Variants in CHD8 observed in about 807,000 individuals in gnomAD.
CHD8 encodes the protein ATP-dependent chromatin remodeler CHD8.
A neutral mutation model predicts 279.2 loss-of-function variants in CHD8; 31 were observed. The observed-to-expected ratio is 0.11, with a 90% confidence interval of 0.08 to 0.15. The LOEUF (loss-of-function observed/expected upper bound fraction) is 0.15, where lower values mean the gene tolerates loss of function less well. Ranked by LOEUF, CHD8 falls within the 10% of genes least tolerant of loss-of-function variation. The pLI, the probability that CHD8 is intolerant of heterozygous loss-of-function variation, is 1.00. For synonymous variants in CHD8, 1,081 were observed against 1,139.6 expected, an observed-to-expected ratio of 0.95 and a Z score of 1.04; for missense variants, 2,146 against 3,230.5, an observed-to-expected ratio of 0.66 and a Z score of 8.14.
In CHD8 at chr14:21,386,111, C is replaced by T. The variant is rs377600590; in HGVS notation, c.7248G>A (p.Lys2416=). 11 of 1,555,192 alleles carry T rather than the reference C, an allele frequency of 7.1e-6. No homozygotes were observed. The South Asian group carries it at 7.1e-5, about 10-fold the overall frequency. Residue 2416 remains lysine (K), a synonymous_variant, in exon 38 of 38, where the codon AAG becomes AAA. Transcript: ENST00000646647. ...CTGGTCGCATCCTACGGGCCCGCTTCTTGCTGCTCTCTGGTGCAATAGGCC... is the reference window on the plus strand; with the variant it reads ...CTGGTCGCATCCTACGGGCCCGCTTTTTGCTGCTCTCTGGTGCAATAGGCC... ...LPGPIAPESS[K]KRARRMRPDL... is the part of the protein sequence containing the mutation.
chr14:21,420,654 T>G (rs1013431246), intron 5 of CHD8, among the ~76,000 whole-genome samples: 20 of 152,188 alleles, frequency 1.3e-4, no homozygotes, highest in Admixed American at 2.0e-4. Flanking sequence ...TATGGAATAT[T>G]AATATTTAGT....
Position 21,400,933 on chromosome 14 carries a change from G to A in CHD8, c.4312C>T (p.His1438Tyr). The change falls in exon 22 of 38, where the codon CAT becomes TAT. Residue 1438 changes from histidine to tyrosine, a missense_variant. Physicochemically the swap from His to Tyr is moderately conservative, Grantham distance 83. Around this residue, in one of 26 missense-constraint regions of CHD8, gnomAD observed 74 missense variants for 91.5 expected, o/e 0.81. Coordinates refer to ENST00000646647, the MANE Select transcript of CHD8 (RefSeq NM_001170629.2). This position sits in a 1 kb window ranked among gnomAD's most constrained non-coding sequence, Gnocchi z 4.2. Reference sequence around the variant, plus strand: ...CAGTCAGTGCGCCCATAGGCATGATGACGGTCATGTCTGCGGGAGCGTGGC... The same window carrying A: ...CAGTCAGTGCGCCCATAGGCATGATAACGGTCATGTCTGCGGGAGCGTGGC... ...ERPRSRRHDR[H>Y]HAYGRTDCFR... The A allele has an allele frequency of 1.2e-6, 2 of 1,613,854 alleles. No homozygotes were observed. The highest frequency in any genetic ancestry group is 1.7e-6 in the Non-Finnish European group (2 of 1,179,790).
At chr14:21,414,259 C>G in intron 9 of CHD8, 42 bp downstream of exon 9, 1 of 999,212 alleles carries the variant, frequency 1.0e-6, no homozygotes, top group Non-Finnish European at 1.6e-6. Context: ...GTAATTTGTG[C>G]TTCTGTGAAA....
rs755210469 is a variant in CHD8 at position 21,415,815 on chromosome 14, A to G, written c.1809T>C (p.Asp603=). 6.9e-5 allele frequency: 112 copies of G among 1,613,808 alleles called. No homozygotes were observed. The Admixed American group carries it at 1.2e-3, about 18-fold the overall frequency. Residue 603 remains aspartate, a synonymous_variant, in exon 6 of 38, where the codon GAT becomes GAC. Transcript: ENST00000646647. ...GCTCAGGTTTTATTGGACCAGTTACATCCACCTCTTCTTCTTCTTCATCAT... is the reference window on the plus strand; with the variant it reads ...GCTCAGGTTTTATTGGACCAGTTACGTCCACCTCTTCTTCTTCTTCATCAT... ...ITDDEEEEEV[D]VTGPIKPEPI...
intron 27 of CHD8, 136 bp from the exon 28 acceptor site, chr14:21,396,028 A>C (rs1418660153): frequency 3.0e-6 from 2 of 667,294 alleles, no homozygotes; most frequent in East Asian, 2.7e-5. Context: ...GACAGGTCTC[A>C]CTCTGTCGCC....
intron 1 of CHD8, among the ~76,000 whole-genome samples, chr14:21,449,260 G>A (rs1324795408): frequency 3.9e-5 from 6 of 152,080 alleles, no homozygotes; most frequent in African/African-American, 1.4e-4. Context: ...TCCTACTCTT[G>A]GTTGTGTTAC....
chr14:21,401,356 G>T, intron 21 of CHD8, 47 bp downstream of exon 21: 1 of 1,133,356 alleles, frequency 8.8e-7, no homozygotes, highest in Non-Finnish European at 1.3e-6. Context: ...ACTCCCGAAA[G>T]TAGTGTGGTC....
intron 13 of CHD8, among the ~76,000 whole-genome samples, chr14:21,407,276 T>C (rs1489617786): frequency 1.3e-5 from 2 of 152,208 alleles, no homozygotes; most frequent in East Asian, 3.8e-4. Context: ...AGGCTAGACA[T>C]TTTTTACTCT....
chr14:21,386,699 A>T (rs538523601), intron 37 of CHD8, among the ~76,000 whole-genome samples: 8 of 152,194 alleles, frequency 5.3e-5, no homozygotes, highest in Admixed American at 2.0e-4. Flanking sequence ...TAGCTGGGCA[A>T]GGTGGCGGGC....
At chr14:21,450,057 C>T (rs1003813876) in intron 1 of CHD8, among the ~76,000 whole-genome samples, 1 of 152,070 alleles carries the variant, frequency 6.6e-6, no homozygotes, top group African/African-American at 2.4e-5. Flanking sequence ...ATGAAAAATA[C>T]TGAGTAAAAG....
At chr14:21,414,694 A>G (rs1406221494) in intron 8 of CHD8, 7 of 598,294 alleles carry the variant, frequency 1.2e-5, no homozygotes, top group Admixed American at 9.5e-5. Flanking sequence ...GTGCTAAACT[A>G]AGGTAAAGAG....
chr14:21,390,544 C>T (rs1887479402), intron 37 of CHD8, among the ~76,000 whole-genome samples: 2 of 152,094 alleles, frequency 1.3e-5, no homozygotes, highest in Admixed American at 1.3e-4. Flanking sequence ...CTTTGGGAGG[C>T]CGAGGCGGGT....
At position 21,401,835 on chromosome 14, in the gene CHD8, C is replaced by CT; in HGVS notation, c.4062+121dup. 1.9e-5 allele frequency: 18 copies of CT among 927,458 alleles called. No homozygotes were observed. In the South Asian group the frequency reaches 2.9e-4, roughly 15 times the overall value. The allele number at this position is 927,458 out of a possible 1,614,324, so 57.5% of individuals were successfully genotyped here. ...TCCTGACCTCAAGTGATCTGCCCGC[C>CT]TCAGCCTCCCAAAGTGCTGGGAATA... is the stretch of plus-strand genomic sequence containing the variant. On this transcript the variant is annotated intron_variant, in intron 20 of 37. Transcript: ENST00000646647.
chr14:21,403,385 A>G lies in CHD8; in HGVS notation c.3518+68T>C. On this transcript the variant is annotated intron_variant, in intron 17 of 37. Coordinates refer to ENST00000646647, the MANE Select transcript of CHD8 (RefSeq NM_001170629.2). The surrounding 1 kb of genome is among the most constrained non-coding windows in gnomAD (Gnocchi z 4.3). ...CAATTGGTGAACTCTAATTAAATCC[A>G]GGCCCTCCTACTTTTTGCTGCTTTA... 1 of 1,348,062 alleles carries G rather than the reference A, an allele frequency of 7.4e-7. No individual in the cohort carries two copies. 83.5% of individuals were successfully genotyped at this position (1,348,062 alleles called of 1,614,324 possible). A position where few individuals can be genotyped will look rare whatever the true frequency, so the allele number is the denominator to read the frequency against.
rs374872628 is a variant in CHD8 at position 21,386,159 on chromosome 14, C to T, written c.7200G>A (p.Thr2400=). The change falls in exon 38 of 38, where the codon ACG becomes ACA. Residue 2400 remains threonine, a synonymous_variant. Coordinates refer to ENST00000646647, the MANE Select transcript of CHD8 (RefSeq NM_001170629.2). Reference sequence around the variant, plus strand: ...GCCCTGGCAAAACCCGGTTGAACACCGTTTCAGTGTGATGACCCTAGGAGG... The same window carrying T: ...GCCCTGGCAAAACCCGGTTGAACACTGTTTCAGTGTGATGACCCTAGGAGG... ...RNGKKGHHTE[T]VFNRVLPGPI... is the part of the protein sequence containing the mutation. 419 of 1,551,566 alleles carry T rather than the reference C, an allele frequency of 2.7e-4. No individual in the cohort carries two copies. Among genetic ancestry groups the T allele is most frequent in the Non-Finnish European group, 3.6e-4 (408 of 1,147,098 alleles).
intron 34 of CHD8, chr14:21,392,233 CATGGCAA>C (rs1887578706): frequency 2.7e-6 from 2 of 754,178 alleles, no homozygotes; most frequent in Admixed American, 3.4e-5. Flanking sequence ...TCCGTATTAG[CATGGCAA>C]CTCATCACAG....
At position 21,409,878 on chromosome 14, in the gene CHD8, C is replaced by G. The variant is rs771175367; in HGVS notation, c.2337G>C (p.Gln779His). 6.2e-7 allele frequency: 1 copy of G among 1,613,666 alleles called. No homozygotes were observed. Among genetic ancestry groups the G allele is most frequent in the Admixed American group, 1.7e-5 (1 of 59,984 alleles). The change falls in exon 11 of 38, where the codon CAG becomes CAC. Residue 779 changes from glutamine (Q) to histidine (H), a missense_variant. Gln to His is a conservative substitution (Grantham distance 24, BLOSUM62 0). This residue lies in a region of CHD8 where 211 missense variants were observed against 464.7 expected (regional missense o/e 0.45). Transcript: ENST00000646647. Reference protein sequence around the residue: ...EGKIREFKRIQSRHPELKRVN... With the variant: ...EGKIREFKRIHSRHPELKRVN... ...CCCTTTTGAGTTCTGGGTGCCTTGA[C>G]TGAATCCGTTTAAATTCTCGAATCT...
intron 27 of CHD8, chr14:21,397,359 C>T (rs377056785): frequency 1.9e-6 from 1 of 518,776 alleles, no homozygotes; most frequent in Non-Finnish European, 3.8e-6. Flanking sequence ...CAACACTGCC[C>T]TACCTGGTGG....
chr14:21,405,523 T>G lies in CHD8; in HGVS notation c.3052-59A>C. 6.4e-7 allele frequency: 1 copy of G among 1,568,490 alleles called. No homozygotes were observed. The highest frequency in any genetic ancestry group is 8.6e-7 in the Non-Finnish European group (1 of 1,158,618). ...TAAGATGAGGGCGAACATTCTCACA[T>G]TATGTAGAAACATGGAAAAATTAGA... On this transcript the variant is annotated intron_variant, in intron 15 of 37. Transcript: ENST00000646647. This position sits in a 1 kb window ranked among gnomAD's most constrained non-coding sequence, Gnocchi z 4.2.
Sources: gnomAD v4.1 joint callset for allele counts (sites outside exome capture counted in the v4.1 genomes callset) on GRCh38, gnomAD v4.1.1 for gene constraint, gnomAD v4.1.1 regional missense constraint, Gnocchi (gnomAD v3.1) non-coding constraint, MANE v1.5 for transcripts, NCBI Gene and HGNC (gene_info 2026-07-23, HGNC 2026-07-21) for gene names.